The following SOX13 variants were observed in gnomAD, a reference collection of about 807,000 sequenced individuals.
SOX13 encodes the protein SRY-box transcription factor 13, also known as transcription factor SOX-13.
SOX13 carries 28 observed loss-of-function variants against 71.8 expected under a neutral mutation model. The ratio of observed to expected loss-of-function variants is 0.39; its 90% confidence interval spans 0.29 to 0.53. The LOEUF (loss-of-function observed/expected upper bound fraction) is 0.53. Ranked by LOEUF, SOX13 falls within the 20% of genes least tolerant of loss-of-function variation. SOX13 has a pLI of 0.70. For missense variants in SOX13, 627 were observed against 810.3 expected (o/e 0.77, Z 2.75); for synonymous variants, 309 against 317.8 (o/e 0.97, Z 0.29).
At chr1:204,114,860 T>C (rs1221399548) in intron 4 of SOX13, among the ~76,000 whole-genome samples, 1 of 152,204 alleles carries the variant, frequency 6.6e-6, no homozygotes, top group East Asian at 1.9e-4. Flanking sequence ...CCAGGCACCC[T>C]TGTGACTTCA....
rs1241243172 is a variant in SOX13, at chr1:204,122,413, T to G, written c.1024+14T>G. On this transcript the variant is annotated intron_variant, in intron 9 of 13. Transcript: ENST00000367204. ...GCCTGCCTCTGGGTAAGCCTCCTGC[T>G]GCCTGCACTTGTCCCTCAGCCCTCT... is the stretch of plus-strand genomic sequence containing the variant. 1 of 1,562,856 alleles carries G rather than the reference T, an allele frequency of 6.4e-7. No homozygotes were observed. Among genetic ancestry groups the G allele is most frequent in the African/African-American group, 1.4e-5 (1 of 73,500 alleles).
At chr1:204,098,865 G>A (rs145869253) in intron 1 of SOX13, among the ~76,000 whole-genome samples, 114 of 152,348 alleles carry the variant, frequency 7.5e-4, no homozygotes, top group African/African-American at 2.4e-3. Context: ...TGCAAGTGGC[G>A]CAGGCAGGCT....
intron 1 of SOX13, among the ~76,000 whole-genome samples, chr1:204,078,485 C>T (rs1367845361): frequency 1.3e-5 from 2 of 152,160 alleles, no homozygotes; most frequent in South Asian, 2.1e-4. Flanking sequence ...CTGGGAGGGC[C>T]GGCCAGGCAC....
chr1:204,117,166 C>T lies in SOX13; in HGVS notation c.636C>T (p.Ile212=). The T allele has an allele frequency of 6.2e-7, 1 of 1,613,992 alleles. No homozygotes were observed. Among genetic ancestry groups the T allele is most frequent in the South Asian group, 1.1e-5 (1 of 91,074 alleles). The change falls in exon 6 of 14, where the codon ATC becomes ATT. Residue 212 remains isoleucine, a synonymous_variant. Transcript: ENST00000367204. ...QQQLIQQQHK[I]NLLQQQIQQV... is the part of the protein sequence containing the mutation. ...AGCTGATTCAGCAGCAGCATAAGATCAACCTCCTTCAGCAGCAGATCCAGG... is the reference window on the plus strand; with the variant it reads ...AGCTGATTCAGCAGCAGCATAAGATTAACCTCCTTCAGCAGCAGATCCAGG...
rs1656945693 is a variant in SOX13 at position 204,127,546 on chromosome 1, G to GC, written c.*1417dup. The GC allele has an allele frequency of 6.6e-6, 1 of 152,668 alleles. No homozygotes were observed. Among genetic ancestry groups the GC allele is most frequent in the African/African-American group, 2.4e-5 (1 of 41,440 alleles). The allele number at this position is 152,668 out of a possible 1,614,324, so 9.5% of individuals were successfully genotyped here. A position where few individuals can be genotyped will look rare whatever the true frequency, so the allele number is the denominator to read the frequency against. On this transcript the variant is annotated 3_prime_UTR_variant, in exon 14 of 14. Transcript: ENST00000367204. ...AGGGCCAGATGTGGAGTCTGTGTCT[G>GC]CCCCCGTCTTCTCTCCATCCTCAAA...
At chr1:204,124,373 A>G (rs1238577989) in intron 12 of SOX13, among the ~76,000 whole-genome samples, 6 of 152,248 alleles carry the variant, frequency 3.9e-5, no homozygotes, top group Non-Finnish European at 8.8e-5. Flanking sequence ...CAGGCAGGCC[A>G]GAGGCTCAAG....
rs1012515998 is a variant in SOX13 at position 204,121,928 on chromosome 1, C to T, written c.804C>T (p.Ser268=). Residue 268 remains serine (S), a synonymous_variant, in exon 8 of 14, where the codon AGC becomes AGT. Coordinates refer to ENST00000367204, the MANE Select transcript of SOX13 (RefSeq NM_005686.3). ...PVEYPLQLLH[S]PPAPVVKRPG... ...AGTATCCGCTGCAGCTGCTGCACAG[C>T]CCCCCTGCCCCAGTGGTGAAGAGGC... The T allele has an allele frequency of 1.2e-6, 2 of 1,611,666 alleles. No individual in the cohort carries two copies. The highest frequency in any genetic ancestry group is 1.7e-6 in the Non-Finnish European group (2 of 1,177,978).
chr1:204,100,475 C>T (rs56714845), intron 1 of SOX13, among the ~76,000 whole-genome samples: 5,036 of 152,110 alleles, frequency 0.033, 266 homozygotes, highest in African/African-American at 0.11. Context: ...AAGCTGGCTG[C>T]TTTGGGGATT....
At chr1:204,112,443 A>AG (rs1434821409) in intron 1 of SOX13, among the ~76,000 whole-genome samples, 1 of 151,020 alleles carries the variant, frequency 6.6e-6, no homozygotes, top group Admixed American at 6.6e-5. Flanking sequence ...TCTGTCTCAA[A>AG]AAAAAAAAAA....
chr1:204,108,024 C>G (rs563015127), intron 1 of SOX13, among the ~76,000 whole-genome samples: 2 of 152,136 alleles, frequency 1.3e-5, no homozygotes, highest in Non-Finnish European at 2.9e-5. Context: ...ATCCATGGTG[C>G]CTGGCTGGAG....
intron 4 of SOX13, chr1:204,116,285 G>A (rs1018884054): frequency 6.6e-7 from 1 of 1,507,612 alleles, no homozygotes; most frequent in African/African-American, 1.4e-5. Flanking sequence ...TGGAATTCAT[G>A]GCTAATAGGG....
chr1:204,108,365 G>A (rs1314925749), intron 1 of SOX13, among the ~76,000 whole-genome samples: 2 of 152,162 alleles, frequency 1.3e-5, no homozygotes, highest in African/African-American at 2.4e-5. Flanking sequence ...CTTAGTAGCC[G>A]CATGGGGCAA....
intron 7 of SOX13, chr1:204,119,762 C>T (rs1656764741): frequency 6.6e-6 from 1 of 151,950 alleles, no homozygotes; most frequent in South Asian, 2.1e-4. Flanking sequence ...GATCCCAGCA[C>T]TTTGGGAGGC....
intron 1 of SOX13, among the ~76,000 whole-genome samples, chr1:204,100,536 C>T (rs545424810): frequency 6.6e-6 from 1 of 152,212 alleles, no homozygotes; most frequent in Non-Finnish European, 1.5e-5. Flanking sequence ...TCCTTCCCTG[C>T]CCTTATTGAA....
intron 5 of SOX13, 91 bp from the exon 6 acceptor site, chr1:204,117,031 C>CT: frequency 7.7e-7 from 1 of 1,298,550 alleles, no homozygotes; most frequent in Non-Finnish European, 1.1e-6. Flanking sequence ...GCTTGCCCCA[C>CT]TGTAGAAAGC....
At chr1:204,113,942 C>T (rs1004199001) in intron 2 of SOX13, among the ~76,000 whole-genome samples, 3 of 149,444 alleles carry the variant, frequency 2.0e-5, no homozygotes, top group Admixed American at 6.6e-5. Context: ...CTTTTGGCCC[C>T]TGATTGTAAT....
intron 1 of SOX13, among the ~76,000 whole-genome samples, 151 bp from the exon 2 acceptor site, chr1:204,112,764 C>T (rs2250538): frequency 0.33 from 49,857 of 152,186 alleles, 8,644 homozygotes; most frequent in East Asian, 0.58. Context: ...TGTGGGTTCA[C>T]AAGTAAGCTT....
chr1:204,082,578 G>A (rs1655932006), intron 1 of SOX13, among the ~76,000 whole-genome samples: 1 of 152,118 alleles, frequency 6.6e-6, no homozygotes, highest in African/African-American at 2.4e-5. Context: ...CCCCTCGCCC[G>A]GGAGCACTTA....
chr1:204,126,158 C>G lies in SOX13; in HGVS notation c.*24C>G. 1.9e-6 allele frequency: 3 copies of G among 1,607,416 alleles called. No individual in the cohort carries two copies. Among genetic ancestry groups the G allele is most frequent in the East Asian group, 2.2e-5 (1 of 44,762 alleles). On this transcript the variant is annotated 3_prime_UTR_variant, in exon 14 of 14. Coordinates refer to ENST00000367204, the MANE Select transcript of SOX13 (RefSeq NM_005686.3). ...GATCCCGGCTGGGTGGGCCTGGCCCCTTCTCCTCTGGGGAAGACCTTGTCC... is the reference window on the plus strand; with the variant it reads ...GATCCCGGCTGGGTGGGCCTGGCCCGTTCTCCTCTGGGGAAGACCTTGTCC...
Sources: gnomAD v4.1 joint callset for allele counts (sites outside exome capture counted in the v4.1 genomes callset) on GRCh38, gnomAD v4.1.1 for gene constraint, MANE v1.5 for transcripts, NCBI Gene and HGNC (gene_info 2026-07-23, HGNC 2026-07-21) for gene names.